WDR7: variants seen among roughly 807,000 people sequenced by gnomAD.
WDR7 encodes the protein WD repeat domain 7.
Under a neutral mutation model 169.4 loss-of-function variants are expected in WDR7, and 46 were observed. The observed-to-expected ratio is 0.27, with a 90% CI of 0.21 to 0.35. The LOEUF (loss-of-function observed/expected upper bound fraction) is 0.35, where lower values mean the gene tolerates loss of function less well. WDR7 is among the 10% of genes least tolerant of loss of function. WDR7 has a pLI of 1.00. For missense variants in WDR7, 1,534 were observed against 1,859.3 expected (o/e 0.83, Z 3.22); for synonymous variants, 612 against 666.8 (o/e 0.92, Z 1.27).
At chr18:56,992,177 A>G (rs537985280) in intron 26 of WDR7, among the ~76,000 whole-genome samples, 1 of 152,370 alleles carries the variant, frequency 6.6e-6, no homozygotes, top group South Asian at 2.1e-4. Context: ...CTAAGAATCT[A>G]TTCCGAGCTA....
At chr18:56,978,147 C>T (rs1257458247) in intron 26 of WDR7, among the ~76,000 whole-genome samples, 4 of 152,160 alleles carry the variant, frequency 2.6e-5, no homozygotes, top group African/African-American at 9.7e-5. Context: ...TGTGGACTGT[C>T]CTTCACCCAA....
Position 56,681,374 on chromosome 18 carries a change from A to G in WDR7, c.328A>G (p.Thr110Ala). 1 of 1,592,780 alleles carries G rather than the reference A, an allele frequency of 6.3e-7. No individual in the cohort carries two copies. The highest frequency in any genetic ancestry group is 8.5e-7 in the Non-Finnish European group (1 of 1,173,608). ...RCIEFTKLAC[T>A]HTGIQFYQFS... Reference sequence around the variant, plus strand: ...TATTGAATTTACAAAATTAGCTTGCACACATACTGGCATACAGGTTAGTTT... The same window carrying G: ...TATTGAATTTACAAAATTAGCTTGCGCACATACTGGCATACAGGTTAGTTT... The change falls in exon 4 of 28, where the codon ACA (threonine) becomes GCA (alanine). Residue 110 changes from threonine to alanine, a missense_variant. Physicochemically the swap from Thr to Ala is moderately conservative, Grantham distance 58. Transcript: ENST00000254442.
At chr18:56,924,161 T>G (rs1192944787) in intron 22 of WDR7, 53 bp downstream of exon 22, 2 of 1,586,802 alleles carry the variant, frequency 1.3e-6, no homozygotes, top group Non-Finnish European at 1.7e-6. Context: ...GTTTTAGGGG[T>G]TTTTTTGGTG....
rs554438494 is a variant in WDR7 at position 56,935,824 on chromosome 18, C to T, written c.3750C>T (p.Asp1250=). The part of the protein sequence containing the change: ...TMGLPLSPAA[D]SARSARHALS... ...GGTTGCCTCTGAGCCCAGCAGCTGA[C>T]TCGGCCCGCTCTGCGAGGCATGCCC... is the stretch of plus-strand genomic sequence containing the variant. Residue 1250 remains aspartate (D), a synonymous_variant, in exon 23 of 28, where the codon GAC becomes GAT. Transcript: ENST00000254442. The T allele has an allele frequency of 5.0e-6, 8 of 1,614,188 alleles. No individual in the cohort carries two copies. In the South Asian group the frequency reaches 7.7e-5, roughly 16 times the overall value.
intron 2 of WDR7, among the ~76,000 whole-genome samples, chr18:56,679,124 T>C (rs2025304412): frequency 6.6e-6 from 1 of 152,162 alleles, no homozygotes; most frequent in South Asian, 2.1e-4. Context: ...AATCAGCCAG[T>C]AGTGAAGCCA....
chr18:56,652,283 T>C (rs596755), intron 1 of WDR7, among the ~76,000 whole-genome samples: 143,821 of 152,268 alleles, frequency 0.94, 68,443 homozygotes, highest in East Asian at 1. Context: ...TGCATTGATA[T>C]TGTTGATGCT....
chr18:56,682,864 T>G lies in WDR7; in HGVS notation c.520+11T>G. 1 of 1,611,274 alleles carries G rather than the reference T, an allele frequency of 6.2e-7. No homozygotes were observed. The highest frequency in any genetic ancestry group is 8.5e-7 in the Non-Finnish European group (1 of 1,178,892). ...CCCACCGAACACAAGGTCAGTGTAT[T>G]ATGCCTGTTAGGAGCTTTAGCACCA... On this transcript the variant is annotated intron_variant, in intron 5 of 27. Coordinates refer to ENST00000254442, the MANE Select transcript of WDR7 (RefSeq NM_015285.3).
chr18:56,810,080 T>C (rs1429760190), intron 19 of WDR7, among the ~76,000 whole-genome samples: 1 of 152,174 alleles, frequency 6.6e-6, no homozygotes, highest in East Asian at 1.9e-4. Context: ...TAGCCAGGTT[T>C]ATGGCTGGGA....
intron 16 of WDR7, among the ~76,000 whole-genome samples, chr18:56,770,615 G>T (rs1285519264): frequency 6.6e-6 from 1 of 152,176 alleles, no homozygotes; most frequent in African/African-American, 2.4e-5. Flanking sequence ...TGATGTACAG[G>T]TGAAGTAGTG....
intron 20 of WDR7, among the ~76,000 whole-genome samples, chr18:56,865,304 A>G (rs904954516): frequency 6.6e-6 from 1 of 152,222 alleles, no homozygotes; most frequent in East Asian, 1.9e-4. Flanking sequence ...AGCTTCAGAC[A>G]GGTTTATTTG....
chr18:56,871,161 T>C (rs914691631), intron 20 of WDR7, among the ~76,000 whole-genome samples: 1 of 152,218 alleles, frequency 6.6e-6, no homozygotes, highest in Non-Finnish European at 1.5e-5. Context: ...GCAGACATTG[T>C]ACATAGTAAA....
chr18:56,741,031 G>A (rs2144853872), intron 14 of WDR7, among the ~76,000 whole-genome samples: 1 of 152,212 alleles, frequency 6.6e-6, no homozygotes, highest in East Asian at 1.9e-4. Context: ...GTCTAAGATT[G>A]AACTCAAAAT....
At chr18:56,902,617 T>C (rs1401250325) in intron 21 of WDR7, among the ~76,000 whole-genome samples, 1 of 152,190 alleles carries the variant, frequency 6.6e-6, no homozygotes, top group African/African-American at 2.4e-5. Flanking sequence ...GAAATTGCCA[T>C]TTTTGAGGGT....
intron 14 of WDR7, among the ~76,000 whole-genome samples, chr18:56,741,340 C>G (rs939258021): frequency 2.0e-5 from 3 of 152,064 alleles, no homozygotes; most frequent in Admixed American, 6.5e-5. Flanking sequence ...AAAACCAATC[C>G]AAAATAATCT....
At chr18:56,980,253 C>A (rs2047622176) in intron 26 of WDR7, among the ~76,000 whole-genome samples, 1 of 152,154 alleles carries the variant, frequency 6.6e-6, no homozygotes, top group African/African-American at 2.4e-5. Context: ...ATTTTTAATA[C>A]AAAGGGGCTT....
At position 56,731,564 on chromosome 18, in the gene WDR7, A is replaced by G. The variant is rs1203386078; in HGVS notation, c.1956A>G (p.Ala652=). 1 of 1,613,948 alleles carries G rather than the reference A, an allele frequency of 6.2e-7. No homozygotes were observed. The highest frequency in any genetic ancestry group is 8.5e-7 in the Non-Finnish European group (1 of 1,180,008). Reference sequence around the variant, plus strand: ...CCCATCATAAGCTACAAACCCTTGCAACTAACCTCTTGGCTTCTGAGGCAT... The same window carrying G: ...CCCATCATAAGCTACAAACCCTTGCGACTAACCTCTTGGCTTCTGAGGCAT... The part of the protein sequence containing the change: ...NMAHHKLQTL[A]TNLLASEASD... Residue 652 remains alanine, a synonymous_variant, in exon 14 of 28, where the codon GCA becomes GCG. Transcript: ENST00000254442.
chr18:56,739,885 T>G (rs1174103646), intron 14 of WDR7, among the ~76,000 whole-genome samples: 2 of 151,656 alleles, frequency 1.3e-5, no homozygotes, highest in African/African-American at 4.8e-5. Flanking sequence ...GATTTTTTTT[T>G]TTTTTTGTAT....
intron 20 of WDR7, among the ~76,000 whole-genome samples, chr18:56,860,142 C>G (rs553193735): frequency 1.3e-5 from 2 of 152,268 alleles, no homozygotes; most frequent in South Asian, 4.1e-4. Flanking sequence ...CCCATCGCCT[C>G]TGCTGACTGG....
At chr18:56,701,056 G>A (rs943867264) in intron 12 of WDR7, among the ~76,000 whole-genome samples, 1 of 152,178 alleles carries the variant, frequency 6.6e-6, no homozygotes, top group Admixed American at 6.5e-5. Context: ...GTGTAGTTCT[G>A]AAGGGTTATT....
Sources: gnomAD v4.1 joint callset for allele counts (sites outside exome capture counted in the v4.1 genomes callset) on GRCh38, gnomAD v4.1.1 for gene constraint, MANE v1.5 for transcripts, NCBI Gene and HGNC (gene_info 2026-07-23, HGNC 2026-07-21) for gene names.